TMEM47: variants seen among roughly 807,000 people sequenced by gnomAD.
TMEM47 encodes brain cell membrane protein 1.
TMEM47 carries 3 observed loss-of-function variants against 12.4 expected under a neutral mutation model. The observed-to-expected ratio is 0.24, with a 90% CI of 0.11 to 0.63. The LOEUF is 0.63. Among genes scored for constraint, TMEM47 ranks in the 20% least tolerant of loss-of-function variants. The pLI is 0.86. For synonymous variants in TMEM47, 62 were observed against 63.3 expected (o/e 0.98, Z 0.10); for missense variants, 89 against 143.8 (o/e 0.62, Z 1.95).
chrX:34,640,619 A>G (rs781364650), intron 1 of TMEM47, among the ~76,000 whole-genome samples: 14 of 111,946 alleles, frequency 1.3e-4, no homozygotes, highest in Non-Finnish European at 2.4e-4. Flanking sequence ...ATCTATCATT[A>G]AATTGCAATG....
rs537169297 is a variant in TMEM47 at position 34,627,234 on chromosome X, T to C, written c.*3079A>G. ...GATGACTTAAAAAAAATAACCAGGA[T>C]ACCATGAATTCATGTTTAAGTAGTA... On this transcript the variant is annotated 3_prime_UTR_variant, in exon 3 of 3. Transcript: ENST00000275954. The C allele has an allele frequency of 8.9e-6, 1 of 111,971 alleles. No individual in the cohort carries two copies. 9.2% of individuals were successfully genotyped at this position (111,971 alleles called of 1,213,427 possible).
intron 2 of TMEM47, 64 bp from the exon 3 acceptor site, chrX:34,630,555 G>C (rs1381507656): frequency 9.8e-7 from 1 of 1,019,139 alleles, no homozygotes; most frequent in Admixed American, 2.9e-5. Flanking sequence ...ATATAAATAT[G>C]TAACTATATA....
At chrX:34,631,188 AAAAAAAAAAAAAAAGAATAGTGACCCC>A (rs1224250591) in intron 2 of TMEM47, among the ~76,000 whole-genome samples, 1 of 104,006 alleles carries the variant, frequency 9.6e-6, no homozygotes, top group Non-Finnish European at 2.0e-5. Flanking sequence ...AAAAAAAAAA[AAAAAAAAAAAAAAAGAATAGTGACCCC>A]AATGCCAACT....
intron 1 of TMEM47, among the ~76,000 whole-genome samples, chrX:34,641,943 G>A (rs905617152): frequency 3.6e-5 from 4 of 112,304 alleles, no homozygotes; most frequent in Admixed American, 9.4e-5. Context: ...TGCAACCTCC[G>A]TCTCCCGGGT....
At chrX:34,642,807 GC>G (rs1921841926) in intron 1 of TMEM47, among the ~76,000 whole-genome samples, 1 of 112,225 alleles carries the variant, frequency 8.9e-6, no homozygotes, top group South Asian at 3.7e-4. Flanking sequence ...AAAACCTGGG[GC>G]TTAGACTGGA....
chrX:34,633,315 GGA>G (rs771392496), intron 2 of TMEM47, among the ~76,000 whole-genome samples: 1 of 111,642 alleles, frequency 9.0e-6, no homozygotes, highest in African/African-American at 3.3e-5. Flanking sequence ...GCTCTGAGGA[GGA>G]GATATTGAGC....
At chrX:34,656,773 AG>A in intron 1 of TMEM47, 30 bp downstream of exon 1, 1 of 1,155,327 alleles carries the variant, frequency 8.7e-7, no homozygotes, top group East Asian at 3.3e-5. Flanking sequence ...CCGGGGCGGG[AG>A]GCAGGGGTCG....
intron 1 of TMEM47, among the ~76,000 whole-genome samples, chrX:34,644,778 G>A (rs1456417016): frequency 2.7e-5 from 3 of 111,503 alleles, no homozygotes; most frequent in Non-Finnish European, 3.8e-5. Flanking sequence ...AATGTATTCC[G>A]TTGTTTTTAT....
Position 34,631,961 on chromosome X carries a change from G to A in TMEM47, c.368-1470C>T, listed in dbSNP as rs376052076. Among the ~76,000 whole-genome samples, 17 of 111,612 alleles carry A rather than the reference G, an allele frequency of 1.5e-4. No individual in the cohort carries two copies. The South Asian group carries it at 6.4e-3, about 42-fold the overall frequency. ...TTTTCCCTAAAAAATACAGAGTACA[G>A]TTATATTTAACAGGGGTTGGCAAAC... On this transcript the variant is annotated intron_variant, in intron 2 of 2. Coordinates refer to ENST00000275954, the MANE Select transcript of TMEM47 (RefSeq NM_031442.4).
At chrX:34,654,139 C>T (rs941040228) in intron 1 of TMEM47, among the ~76,000 whole-genome samples, 1 of 111,579 alleles carries the variant, frequency 9.0e-6, no homozygotes, top group African/African-American at 3.3e-5. Flanking sequence ...ACATTTGGTA[C>T]CAAAATTAAA....
In TMEM47 at chrX:34,629,700, T is replaced by C. The variant is rs984964590; in HGVS notation, c.*613A>G. ...ATAATGAGAAGCACATGTCTCCAAG[T>C]CTTGACTCTCTTCCCAGGGAGACGC... On this transcript the variant is annotated 3_prime_UTR_variant, in exon 3 of 3. Transcript: ENST00000275954. The C allele has an allele frequency of 1.5e-4, 17 of 111,511 alleles. No homozygotes were observed. The highest frequency in any genetic ancestry group is 5.5e-4 in the African/African-American group (17 of 30,706). The allele number at this position is 111,511 out of a possible 1,213,427, so 9.2% of individuals were successfully genotyped here.
At chrX:34,642,884 G>C (rs779852779) in intron 1 of TMEM47, among the ~76,000 whole-genome samples, 3 of 112,078 alleles carry the variant, frequency 2.7e-5, no homozygotes, top group Non-Finnish European at 3.8e-5. Context: ...TATCCATTTG[G>C]AATGATTCAC....
rs138396099 is a variant in TMEM47, at chrX:34,656,022, C to T, written c.226+782G>A. Among the ~76,000 whole-genome samples, 829 of 111,401 alleles carry T rather than the reference C, an allele frequency of 7.4e-3. 9 individuals carry two copies. The highest frequency in any genetic ancestry group is 0.025 in the African/African-American group (761 of 30,585). ...CCCCTGGGACTGGTAGCCTCAGTAGCTACCTTATTCTCCACTCCCCACCCC... is the reference window on the plus strand; with the variant it reads ...CCCCTGGGACTGGTAGCCTCAGTAGTTACCTTATTCTCCACTCCCCACCCC... On this transcript the variant is annotated intron_variant, in intron 1 of 2. Coordinates refer to ENST00000275954, the MANE Select transcript of TMEM47 (RefSeq NM_031442.4).
intron 2 of TMEM47, among the ~76,000 whole-genome samples, chrX:34,632,462 C>G (rs61552482): frequency 0.01 from 1,139 of 111,461 alleles, 17 homozygotes; most frequent in African/African-American, 0.035. Flanking sequence ...AGTCATCTTT[C>G]TCTCCCATAA....
intron 1 of TMEM47, among the ~76,000 whole-genome samples, chrX:34,647,796 T>C (rs867177289): frequency 4.5e-5 from 5 of 112,289 alleles, no homozygotes; most frequent in Middle Eastern, 4.2e-3. Flanking sequence ...AGAATGCAAT[T>C]AAGTTGTTGA....
chrX:34,630,768 T>A (rs1005806360), intron 2 of TMEM47, among the ~76,000 whole-genome samples: 4 of 110,676 alleles, frequency 3.6e-5, no homozygotes, highest in African/African-American at 1.3e-4. Context: ...TATATGAGCA[T>A]ACAAAGTAGT....
intron 1 of TMEM47, among the ~76,000 whole-genome samples, chrX:34,651,399 A>C (rs1361447828): frequency 3.6e-5 from 4 of 111,823 alleles, no homozygotes; most frequent in African/African-American, 1.3e-4. Context: ...CTTCCCCACC[A>C]AGGTGCCAAA....
chrX:34,651,816 T>C (rs921931170), intron 1 of TMEM47, among the ~76,000 whole-genome samples: 4 of 112,290 alleles, frequency 3.6e-5, no homozygotes, highest in African/African-American at 1.3e-4. Context: ...GATCATGATC[T>C]ACCAAGAGCA....
At chrX:34,652,014 C>CA (rs1160366159) in intron 1 of TMEM47, among the ~76,000 whole-genome samples, 9 of 111,998 alleles carry the variant, frequency 8.0e-5, no homozygotes, top group Non-Finnish European at 1.3e-4. Context: ...AACAAACAGG[C>CA]ACTTTCATAT....
Sources: allele counts gnomAD v4.1 joint callset (sites outside exome capture counted in the v4.1 genomes callset), GRCh38; gene constraint gnomAD v4.1.1; transcripts MANE v1.5; gene names NCBI Gene and HGNC (gene_info 2026-07-23, HGNC 2026-07-21).